Variants in ANKS1B observed in about 807,000 individuals in gnomAD.
ANKS1B encodes the protein ankyrin repeat and sterile alpha motif domain-containing protein 1B.
ANKS1B carries 36 observed loss-of-function variants against 148.3 expected under a neutral mutation model. That is an observed-to-expected ratio of 0.24 (90% CI 0.19 to 0.32). ANKS1B has a LOEUF of 0.32. Among genes scored for constraint, ANKS1B ranks in the 10% least tolerant of loss-of-function variants. ANKS1B has a pLI of 1.00. For synonymous variants in ANKS1B, 542 were observed against 560.8 expected, an observed-to-expected ratio of 0.97 and a Z score of 0.47; for missense variants, 1,157 against 1,542.6, an observed-to-expected ratio of 0.75 and a Z score of 4.19.
In ANKS1B at chr12:99,821,807, GATT is replaced by G. The variant is rs1471698494; in HGVS notation, c.215+3499_215+3501del. 1.3e-4 allele frequency among the ~76,000 whole-genome samples: 20 copies of G among 152,068 alleles called. 1 individual carries two copies. In the South Asian group the frequency reaches 3.9e-3, roughly 30 times the overall value. ...ATTCAGATAGCCAAGAAGCCATCAG[GATT>G]ATATTACTTGGGCTGATTTGTCTTT... On this transcript the variant is annotated intron_variant, in intron 2 of 26. Coordinates refer to ENST00000683438, the MANE Select transcript of ANKS1B (RefSeq NM_001352186.2).
chr12:99,503,258 C>T (rs985575440), intron 10 of ANKS1B, among the ~76,000 whole-genome samples: 2 of 152,210 alleles, frequency 1.3e-5, no homozygotes, highest in East Asian at 1.9e-4. Flanking sequence ...TGAGCCATCG[C>T]TCCTGGACTG....
chr12:99,580,631 A>G (rs1209611253), intron 9 of ANKS1B, among the ~76,000 whole-genome samples: 1 of 152,194 alleles, frequency 6.6e-6, no homozygotes, highest in Non-Finnish European at 1.5e-5. Context: ...AAATTGGTTA[A>G]TGGGTAAAAA....
chr12:99,558,507 G>A (rs1430275129), intron 9 of ANKS1B, among the ~76,000 whole-genome samples: 3 of 152,202 alleles, frequency 2.0e-5, no homozygotes, highest in Non-Finnish European at 4.4e-5. Context: ...CAGCAAAGCA[G>A]CAGTGGGGAG....
chr12:98,848,446 C>CTA (rs2099495974), intron 17 of ANKS1B, among the ~76,000 whole-genome samples: 3 of 152,082 alleles, frequency 2.0e-5, no homozygotes, highest in African/African-American at 7.2e-5. Flanking sequence ...GATGAAAATG[C>CTA]TATAGTGTTA....
At chr12:99,724,091 C>T (rs530229917) in intron 8 of ANKS1B, among the ~76,000 whole-genome samples, 3 of 152,050 alleles carry the variant, frequency 2.0e-5, no homozygotes, top group African/African-American at 7.2e-5. Context: ...GCCAGAGTGC[C>T]TCTTCTCCTC....
At chr12:99,648,164 T>A (rs79915291) in intron 9 of ANKS1B, 456,845 of 1,604,736 alleles carry the variant, frequency 0.28, 67,267 homozygotes, top group African/African-American at 0.34. Flanking sequence ...TGTCTTGATT[T>A]AAAGGAAGAC....
At chr12:99,436,841 T>C in intron 11 of ANKS1B, among the ~76,000 whole-genome samples, 1 of 151,964 alleles carries the variant, frequency 6.6e-6, no homozygotes, top group East Asian at 1.9e-4. Context: ...TCATCTCCTT[T>C]AGTGTCTTGA....
At chr12:99,444,162 G>T (rs1286327155) in intron 10 of ANKS1B, among the ~76,000 whole-genome samples, 1 of 151,820 alleles carries the variant, frequency 6.6e-6, no homozygotes. Flanking sequence ...ATATGATTGG[G>T]CTAAAGCTTT....
At chr12:99,690,025 A>T (rs1030889116) in intron 8 of ANKS1B, among the ~76,000 whole-genome samples, 2 of 152,132 alleles carry the variant, frequency 1.3e-5, no homozygotes, top group Admixed American at 6.5e-5. Flanking sequence ...GGCCTCAGGA[A>T]ACTTACAATC....
At chr12:99,651,799 G>GAAAAAGATTT (rs970002055) in intron 9 of ANKS1B, among the ~76,000 whole-genome samples, 6 of 151,778 alleles carry the variant, frequency 4.0e-5, no homozygotes, top group African/African-American at 1.5e-4. Flanking sequence ...GATAATAACA[G>GAAAAAGATTT]AAAAAGATTT....
intron 1 of ANKS1B, among the ~76,000 whole-genome samples, chr12:99,982,257 T>A (rs577829585): frequency 6.6e-6 from 1 of 151,940 alleles, no homozygotes; most frequent in East Asian, 1.9e-4. Context: ...ACACTGTGGG[T>A]CACTATTTTG....
At chr12:99,055,794 TA>T (rs2099969347) in intron 16 of ANKS1B, among the ~76,000 whole-genome samples, 1 of 152,158 alleles carries the variant, frequency 6.6e-6, no homozygotes, top group South Asian at 2.1e-4. Flanking sequence ...TTCAACATTT[TA>T]CATGGTTGGA....
intron 15 of ANKS1B, among the ~76,000 whole-genome samples, chr12:99,104,268 T>C (rs1320895532): frequency 1.3e-5 from 2 of 152,132 alleles, no homozygotes; most frequent in Non-Finnish European, 2.9e-5. Flanking sequence ...CGTGTATGTG[T>C]ATGTTGGGGG....
intron 1 of ANKS1B, among the ~76,000 whole-genome samples, chr12:99,867,324 C>T (rs1440642648): frequency 6.6e-6 from 1 of 152,066 alleles, no homozygotes; most frequent in South Asian, 2.1e-4. Context: ...ACTTTTTGTA[C>T]TAGACTTTCA....
At chr12:99,046,412 G>T (rs1290171577) in intron 17 of ANKS1B, among the ~76,000 whole-genome samples, 6 of 152,102 alleles carry the variant, frequency 3.9e-5, no homozygotes, top group Non-Finnish European at 8.8e-5. Flanking sequence ...ACAATTAGAA[G>T]ACAAAGATAT....
At chr12:98,912,000 T>C (rs574363582) in intron 17 of ANKS1B, among the ~76,000 whole-genome samples, 45 of 152,350 alleles carry the variant, frequency 3.0e-4, no homozygotes, top group African/African-American at 1.1e-3. Context: ...AAGGCTGTTC[T>C]TCTTTCATGT....
intron 10 of ANKS1B, among the ~76,000 whole-genome samples, chr12:99,469,305 G>A (rs2096196163): frequency 8.8e-6 from 1 of 113,538 alleles, no homozygotes; most frequent in Non-Finnish European, 1.8e-5. Context: ...TGGGGGGAGG[G>A]GGGAGGGATA....
At chr12:99,666,858 GT>G (rs1567601178) in intron 8 of ANKS1B, among the ~76,000 whole-genome samples, 308 of 49,414 alleles carry the variant, frequency 6.2e-3, no homozygotes, top group East Asian at 0.036. Flanking sequence ...TTACTATGGG[GT>G]GTGTGTGTGT....
chr12:99,095,779 G>A (rs2055849596), intron 15 of ANKS1B, among the ~76,000 whole-genome samples: 1 of 152,144 alleles, frequency 6.6e-6, no homozygotes, highest in South Asian at 2.1e-4. Context: ...TAGGAAGAAT[G>A]AAAGTTATCA....
Sources: allele counts gnomAD v4.1 joint callset (sites outside exome capture counted in the v4.1 genomes callset), GRCh38; gene constraint gnomAD v4.1.1; transcripts MANE v1.5; gene names NCBI Gene and HGNC (gene_info 2026-07-23, HGNC 2026-07-21).